Variants in VARS1 observed in about 807,000 individuals in gnomAD.
The protein encoded by VARS1 is valine--tRNA ligase.
In VARS1, 92 loss-of-function variants were observed where a neutral mutation model predicts 161.0. The ratio of observed to expected loss-of-function variants is 0.57; its 90% confidence interval spans 0.48 to 0.68. The LOEUF is 0.68. Among genes scored for constraint, VARS1 ranks in the 30% least tolerant of loss-of-function variants. VARS1 has a pLI of 0.00. For synonymous variants in VARS1, 595 were observed against 682.5 expected (o/e 0.87, Z 2.00); for missense variants, 1,338 against 1,695.9 (o/e 0.79, Z 3.71).
At chr6:31,786,210 G>A (rs1249595450) in intron 8 of VARS1, among the ~76,000 whole-genome samples, 2 of 152,012 alleles carry the variant, frequency 1.3e-5, no homozygotes, top group Non-Finnish European at 1.5e-5. Context: ...CAGCAAGCTG[G>A]GATCATGCCA....
Position 31,791,593 on chromosome 6 carries a change from T to A in VARS1, c.1100+17A>T. The A allele has an allele frequency of 6.3e-7, 1 of 1,599,686 alleles. No individual in the cohort carries two copies. The highest frequency in any genetic ancestry group is 1.1e-5 in the South Asian group (1 of 88,824). On this transcript the variant is annotated intron_variant, in intron 8 of 29. Transcript: ENST00000375663. This position sits in a 1 kb window ranked among gnomAD's most constrained non-coding sequence, Gnocchi z 5.0. The stretch of plus-strand genomic sequence containing the variant: ...CTAGGCAGAGGGAACCAGAGGAAGG[T>A]GCAGATAGAAGCTCACCATCGAGTC...
Position 31,777,717 on chromosome 6 carries a change from A to G in VARS1, c.3727-55T>C, listed in dbSNP as rs541751943. 27 of 1,579,472 alleles carry G rather than the reference A, an allele frequency of 1.7e-5. No individual in the cohort carries two copies. The Admixed American group carries it at 4.0e-4, about 23-fold the overall frequency. On this transcript the variant is annotated intron_variant, in intron 29 of 29. Coordinates refer to ENST00000375663, the MANE Select transcript of VARS1 (RefSeq NM_006295.3). The surrounding 1 kb of genome is among the most constrained non-coding windows in gnomAD (Gnocchi z 5.8). ...CCCAGGTCCAAGTGAAGAGACCCCC[A>G]AACACCCAGGACAACAAAGTTGGAA...
In VARS1 at chr6:31,792,000, C is replaced by T. The variant is rs371941634; in HGVS notation, c.872-29G>A. ...GGGGAGAGGAAGGGAGGGCTCAGTG[C>T]CGTGGCTGGGAGCACTCTGGGAAGG... On this transcript the variant is annotated intron_variant, in intron 6 of 29. Coordinates refer to ENST00000375663, the MANE Select transcript of VARS1 (RefSeq NM_006295.3). This position sits in a 1 kb window ranked among gnomAD's most constrained non-coding sequence, Gnocchi z 5.0. 5.8e-6 allele frequency: 9 copies of T among 1,542,276 alleles called. No homozygotes were observed. The Admixed American group carries it at 6.0e-5, about 10-fold the overall frequency.
At position 31,781,969 on chromosome 6, in the gene VARS1, G is replaced by A. The variant is rs751148803; in HGVS notation, c.2242-17C>T. On this transcript the variant is annotated splice_polypyrimidine_tract_variant and intron_variant, in intron 18 of 29. Coordinates refer to ENST00000375663, the MANE Select transcript of VARS1 (RefSeq NM_006295.3). This position sits in a 1 kb window ranked among gnomAD's most constrained non-coding sequence, Gnocchi z 6.8. Reference sequence around the variant, plus strand: ...ATCAGGGTCCTGCCACAGGTGCAGTGATTACCCAAGGGGGTGTGTCTGCTT... The same window carrying A: ...ATCAGGGTCCTGCCACAGGTGCAGTAATTACCCAAGGGGGTGTGTCTGCTT... 18 of 1,613,104 alleles carry A rather than the reference G, an allele frequency of 1.1e-5. No homozygotes were observed. Among genetic ancestry groups the A allele is most frequent in the Non-Finnish European group, 1.5e-5 (18 of 1,179,988 alleles).
chr6:31,777,944 G>A lies in VARS1; in HGVS notation c.3727-282C>T, dbSNP rs1812848832. The A allele has an allele frequency of 1.8e-6, 1 of 554,114 alleles. No homozygotes were observed. Among genetic ancestry groups the A allele is most frequent in the Non-Finnish European group, 3.2e-6 (1 of 309,824 alleles). The allele number at this position is 554,114 out of a possible 1,614,324, so 34.3% of individuals were successfully genotyped here. On this transcript the variant is annotated intron_variant, in intron 29 of 29. Transcript: ENST00000375663. This position sits in a 1 kb window ranked among gnomAD's most constrained non-coding sequence, Gnocchi z 5.8. ...CCATTCAGTGTCCCCACCTAAGCAGGAGAGCACAGTCTCCCAGGCCGGTCA... is the reference window on the plus strand; with the variant it reads ...CCATTCAGTGTCCCCACCTAAGCAGAAGAGCACAGTCTCCCAGGCCGGTCA...
In VARS1 at chr6:31,784,457, C is replaced by G; in HGVS notation, c.1513G>C (p.Gly505Arg). 1 of 1,614,118 alleles carries G rather than the reference C, an allele frequency of 6.2e-7. No homozygotes were observed. Among genetic ancestry groups the G allele is most frequent in the Non-Finnish European group, 8.5e-7 (1 of 1,180,038 alleles). Residue 505 changes from glycine to arginine, a missense_variant, in exon 12 of 30, where the codon GGC (glycine) becomes CGC (arginine). Around this residue, in one of 3 missense-constraint regions of VARS1, gnomAD observed 902 missense variants for 1,090.3 expected, o/e 0.83. Transcript: ENST00000375663. This position sits in a 1 kb window ranked among gnomAD's most constrained non-coding sequence, Gnocchi z 6.1. ...LTGRTLLSVP[G>R]YKEKVEFGVL... ...CCGAACTCCACCTTCTCCTTGTAGC[C>G]AGGCACGGAGAGCAGGGTGCGACCT...
intron 8 of VARS1, among the ~76,000 whole-genome samples, chr6:31,786,150 C>T (rs1370517776): frequency 6.6e-6 from 1 of 152,168 alleles, no homozygotes; most frequent in East Asian, 1.9e-4. Flanking sequence ...ATCCCAGCTA[C>T]TTGGAAGGCT....
Position 31,795,144 on chromosome 6 carries a change from C to G in VARS1, c.74G>C (p.Gly25Ala), listed in dbSNP as rs780777850. The change falls in exon 2 of 30, where the codon GGG (glycine) becomes GCG (alanine). Residue 25 changes from glycine (G) to alanine (A), a missense_variant. Physicochemically the swap from Gly to Ala is moderately conservative, Grantham distance 60. Coordinates refer to ENST00000375663, the MANE Select transcript of VARS1 (RefSeq NM_006295.3). The surrounding 1 kb of genome is among the most constrained non-coding windows in gnomAD (Gnocchi z 6.9). ...CCATCCGGGACCCTCCCCAGCCTCC[C>G]CATAGCGAGCGGCTATGAGGGCTCG... ...SLRALIAARY[G>A]EAGEGPGWGG... is the part of the protein sequence containing the mutation. 1 of 1,485,288 alleles carries G rather than the reference C, an allele frequency of 6.7e-7. No homozygotes were observed. The highest frequency in any genetic ancestry group is 1.4e-5 in the African/African-American group (1 of 71,290). The allele number at this position is 1,485,288 out of a possible 1,614,324, so 92.0% of individuals were successfully genotyped here.
chr6:31,782,059 C>T lies in VARS1; in HGVS notation c.2241+28G>A. 6.2e-7 allele frequency: 1 copy of T among 1,612,318 alleles called. No homozygotes were observed. Among genetic ancestry groups the T allele is most frequent in the Non-Finnish European group, 8.5e-7 (1 of 1,179,002 alleles). On this transcript the variant is annotated intron_variant, in intron 18 of 29. Transcript: ENST00000375663. The surrounding 1 kb of genome is among the most constrained non-coding windows in gnomAD (Gnocchi z 8.3). ...AACCCACCACTCCAGCAGGGTGTCC[C>T]AGCAGCTAGCTCTGGCCCTCTGCTC...
Position 31,792,793 on chromosome 6 carries a change from G to C in VARS1, c.625C>G (p.Leu209Val). ...GAGAGAGGCCTGGCTCCTGAGTATA[G>C]AACCACTTCTCCTAGCACGGCTCGG... ...EFRAVLGEVV[L>V]YSGARPLSHQ... is the part of the protein sequence containing the mutation. Residue 209 changes from leucine (L) to valine (V), a missense_variant, in exon 4 of 30, where the codon CTA becomes GTA. By Grantham distance (32) the Leu-to-Val change is conservative. Transcript: ENST00000375663. 2 of 1,614,174 alleles carry C rather than the reference G, an allele frequency of 1.2e-6. No homozygotes were observed. The highest frequency in any genetic ancestry group is 1.7e-6 in the Non-Finnish European group (2 of 1,180,038).
Position 31,785,755 on chromosome 6 carries a change from C to G in VARS1, c.1101-22G>C. On this transcript the variant is annotated intron_variant, in intron 8 of 29. Transcript: ENST00000375663. The surrounding 1 kb of genome is among the most constrained non-coding windows in gnomAD (Gnocchi z 6.1). ...GTGCCTGTTAGGGGGCATGGAGGACCAGAGGGTGAGCCAGGCCAGTGGGGC... is the reference window on the plus strand; with the variant it reads ...GTGCCTGTTAGGGGGCATGGAGGACGAGAGGGTGAGCCAGGCCAGTGGGGC... 1 of 1,597,480 alleles carries G rather than the reference C, an allele frequency of 6.3e-7. No homozygotes were observed. The highest frequency in any genetic ancestry group is 2.2e-5 in the East Asian group (1 of 44,790).
At chr6:31,788,403 G>C (rs937165963) in intron 8 of VARS1, among the ~76,000 whole-genome samples, 7 of 151,846 alleles carry the variant, frequency 4.6e-5, no homozygotes, top group African/African-American at 1.5e-4. Context: ...AGAAGGCTGA[G>C]GCAGGAGAAT....
Position 31,793,091 on chromosome 6 carries a change from C to T in VARS1, c.417G>A (p.Leu139=). Residue 139 remains leucine, a synonymous_variant, in exon 3 of 30, where the codon CTG becomes CTA. Coordinates refer to ENST00000375663, the MANE Select transcript of VARS1 (RefSeq NM_006295.3). ...QAVLGALGRA[L]SPLEEWLRLH... is the part of the protein sequence containing the mutation. ...GCCGAAGCCACTCCTCCAAGGGGCTCAGGGCCCTGCCCAGGGCCCCCAGCA... is the reference window on the plus strand; with the variant it reads ...GCCGAAGCCACTCCTCCAAGGGGCTTAGGGCCCTGCCCAGGGCCCCCAGCA... 6.2e-7 allele frequency: 1 copy of T among 1,610,208 alleles called. No homozygotes were observed. The highest frequency in any genetic ancestry group is 8.5e-7 in the Non-Finnish European group (1 of 1,179,358).
rs1351269608 is a variant in VARS1, at chr6:31,782,933, G to T, written c.1763-88C>A. ...CTCTTTTGCTGAAGGATGTAGCTCC[G>T]AGACCACTCCTGGCCCCCACTTGTC... On this transcript the variant is annotated intron_variant, in intron 14 of 29. Coordinates refer to ENST00000375663, the MANE Select transcript of VARS1 (RefSeq NM_006295.3). This position sits in a 1 kb window ranked among gnomAD's most constrained non-coding sequence, Gnocchi z 8.3. 1 of 1,546,480 alleles carries T rather than the reference G, an allele frequency of 6.5e-7. No individual in the cohort carries two copies.
rs1365411007 is a variant in VARS1, at chr6:31,785,848, G to A, written c.1101-115C>T. On this transcript the variant is annotated intron_variant, in intron 8 of 29. Coordinates refer to ENST00000375663, the MANE Select transcript of VARS1 (RefSeq NM_006295.3). This position sits in a 1 kb window ranked among gnomAD's most constrained non-coding sequence, Gnocchi z 6.1. ...GACTAAATAAAGAAGCAGGGAGGCCGGACGCGGTGGCTCACGCCTGTAATC... is the reference window on the plus strand; with the variant it reads ...GACTAAATAAAGAAGCAGGGAGGCCAGACGCGGTGGCTCACGCCTGTAATC... 5 of 1,346,516 alleles carry A rather than the reference G, an allele frequency of 3.7e-6. No individual in the cohort carries two copies. Among genetic ancestry groups the A allele is most frequent in the Admixed American group, 2.6e-5 (1 of 38,296 alleles). 83.4% of individuals were successfully genotyped at this position (1,346,516 alleles called of 1,614,324 possible).
At position 31,795,110 on chromosome 6, in the gene VARS1, G is replaced by A; in HGVS notation, c.108C>T (p.Ala36=). The A allele has an allele frequency of 2.0e-5, 29 of 1,486,990 alleles. No homozygotes were observed. The highest frequency in any genetic ancestry group is 2.5e-5 in the Non-Finnish European group (28 of 1,116,952). 92.1% of individuals were successfully genotyped at this position (1,486,990 alleles called of 1,614,324 possible). Residue 36 remains alanine (A), a synonymous_variant, in exon 2 of 30, where the codon GCC becomes GCT. Coordinates refer to ENST00000375663, the MANE Select transcript of VARS1 (RefSeq NM_006295.3). This position sits in a 1 kb window ranked among gnomAD's most constrained non-coding sequence, Gnocchi z 6.9. ...EAGEGPGWGG[A]HPRICLQPPP... is the part of the protein sequence containing the mutation. ...GTGGCTGGAGACAGATGCGGGGGTG[G>A]GCTCCTCCCCATCCGGGACCCTCCC...
At chr6:31,788,273 G>A (rs535782598) in intron 8 of VARS1, among the ~76,000 whole-genome samples, 7 of 151,964 alleles carry the variant, frequency 4.6e-5, no homozygotes, top group East Asian at 1.9e-4. Flanking sequence ...AGACCGAAGC[G>A]GGAGGATCAC....
chr6:31,782,564 T>C lies in VARS1; in HGVS notation c.1957A>G (p.Ile653Val). Residue 653 changes from isoleucine (I) to valine (V), a missense_variant, in exon 16 of 30, where the codon ATT (isoleucine) becomes GTT (valine). Transcript: ENST00000375663. The surrounding 1 kb of genome is among the most constrained non-coding windows in gnomAD (Gnocchi z 8.3). Reference sequence around the variant, plus strand: ...GGCACCACCATGGGGTTGTCCTCAATGCCACGGAACAGTCCCCGCTCCTTC... The same window carrying C: ...GGCACCACCATGGGGTTGTCCTCAACGCCACGGAACAGTCCCCGCTCCTTC... ...ALKERGLFRG[I>V]EDNPMVVPLC... 1 of 1,613,032 alleles carries C rather than the reference T, an allele frequency of 6.2e-7. No individual in the cohort carries two copies. Among genetic ancestry groups the C allele is most frequent in the Non-Finnish European group, 8.5e-7 (1 of 1,180,020 alleles).
At position 31,778,843 on chromosome 6, in the gene VARS1, A is replaced by G. The variant is rs1812913342; in HGVS notation, c.3726+124T>C. 6 of 1,320,034 alleles carry G rather than the reference A, an allele frequency of 4.5e-6. No individual in the cohort carries two copies. Among genetic ancestry groups the G allele is most frequent in the Non-Finnish European group, 6.3e-6 (6 of 953,942 alleles). The allele number at this position is 1,320,034 out of a possible 1,614,324, so 81.8% of individuals were successfully genotyped here. On this transcript the variant is annotated intron_variant, in intron 29 of 29. Transcript: ENST00000375663. This position sits in a 1 kb window ranked among gnomAD's most constrained non-coding sequence, Gnocchi z 5.1. ...TAAGGCTAGTGGGAGTGGAGAAGGA[A>G]CAAAGAAATCTGTAACTGGTTACGA...
Sources: gnomAD v4.1 joint callset for allele counts (sites outside exome capture counted in the v4.1 genomes callset) on GRCh38, gnomAD v4.1.1 for gene constraint, gnomAD v4.1.1 regional missense constraint, Gnocchi (gnomAD v3.1) non-coding constraint, MANE v1.5 for transcripts, NCBI Gene and HGNC (gene_info 2026-07-23, HGNC 2026-07-21) for gene names.